The following RASGRF2 variants were observed in gnomAD, a reference collection of about 807,000 sequenced individuals.
RASGRF2 encodes ras-specific guanine nucleotide-releasing factor 2.
A neutral mutation model predicts 151.0 loss-of-function variants in RASGRF2; 76 were observed. The observed-to-expected ratio is 0.50, with a 90% CI of 0.42 to 0.61. RASGRF2 has a LOEUF of 0.61. Ranked by LOEUF, RASGRF2 falls within the 20% of genes least tolerant of loss-of-function variation. The pLI, the probability that RASGRF2 is intolerant of heterozygous loss-of-function variation, is 0.00. For missense variants in RASGRF2, 1,148 were observed against 1,564.6 expected, an observed-to-expected ratio of 0.73 and a Z score of 4.49; for synonymous variants, 504 against 566.5, an observed-to-expected ratio of 0.89 and a Z score of 1.57.
intron 1 of RASGRF2, among the ~76,000 whole-genome samples, chr5:81,035,487 A>T (rs1216698092): frequency 1.3e-5 from 2 of 152,142 alleles, no homozygotes; most frequent in East Asian, 3.9e-4. Flanking sequence ...GGGGAGGGAT[A>T]GCATTAGGAG....
At chr5:81,144,140 CAGCCTCAT>C (rs1399547168) in intron 17 of RASGRF2, among the ~76,000 whole-genome samples, 2 of 152,158 alleles carry the variant, frequency 1.3e-5, no homozygotes, top group African/African-American at 2.4e-5. Flanking sequence ...AAAATTTCAT[CAGCCTCAT>C]ACATTAAAAG....
At chr5:81,134,431 T>G (rs1208296183) in intron 17 of RASGRF2, among the ~76,000 whole-genome samples, 5 of 152,114 alleles carry the variant, frequency 3.3e-5, no homozygotes, top group Non-Finnish European at 7.4e-5. Flanking sequence ...TGTTGTTTCA[T>G]GGTGGAAGCC....
chr5:81,132,892 C>T (rs1753659792), intron 17 of RASGRF2, among the ~76,000 whole-genome samples: 1 of 152,118 alleles, frequency 6.6e-6, no homozygotes, highest in African/African-American at 2.4e-5. Flanking sequence ...ACTTTTAGGG[C>T]ACCTCCCGGG....
intron 26 of RASGRF2, 124 bp downstream of exon 26, chr5:81,219,902 G>T: frequency 3.6e-5 from 16 of 443,172 alleles, no homozygotes; most frequent in Admixed American, 4.7e-5. Flanking sequence ...CAGTAAAATA[G>T]AAAATCTTTG....
At chr5:81,007,616 ACT>A (rs1158082347) in intron 1 of RASGRF2, among the ~76,000 whole-genome samples, 1 of 151,906 alleles carries the variant, frequency 6.6e-6, no homozygotes, top group Non-Finnish European at 1.5e-5. Context: ...ACGCCAACAA[ACT>A]CAACTTTCTC....
intron 14 of RASGRF2, chr5:81,113,253 C>T: frequency 1.9e-6 from 1 of 518,058 alleles, no homozygotes; most frequent in Non-Finnish European, 3.4e-6. Context: ...TTCAGCAGGC[C>T]TGGTGTGGAG....
intron 1 of RASGRF2, among the ~76,000 whole-genome samples, chr5:80,981,483 CTG>C (rs1215872656): frequency 3.3e-5 from 5 of 152,084 alleles, no homozygotes; most frequent in African/African-American, 1.2e-4. Flanking sequence ...TTGCTGAGCT[CTG>C]AGCACACTGG....
At chr5:81,042,021 C>T (rs1350317360) in intron 1 of RASGRF2, among the ~76,000 whole-genome samples, 1 of 152,050 alleles carries the variant, frequency 6.6e-6, no homozygotes, top group African/African-American at 2.4e-5. Flanking sequence ...AAGAATTCTT[C>T]TTTTTTTAAT....
At chr5:81,108,479 G>A (rs1218724861) in intron 12 of RASGRF2, among the ~76,000 whole-genome samples, 1 of 152,160 alleles carries the variant, frequency 6.6e-6, no homozygotes, top group African/African-American at 2.4e-5. Flanking sequence ...TAAAATGTGG[G>A]AATTTATTGG....
intron 1 of RASGRF2, among the ~76,000 whole-genome samples, chr5:81,036,387 AT>A (rs1233289138): frequency 6.6e-6 from 1 of 152,072 alleles, no homozygotes; most frequent in East Asian, 1.9e-4. Flanking sequence ...GATTAACACT[AT>A]GATGGAAATA....
At chr5:81,176,877 G>A (rs190709236) in intron 17 of RASGRF2, among the ~76,000 whole-genome samples, 386 of 152,224 alleles carry the variant, frequency 2.5e-3, no homozygotes, top group Middle Eastern at 3.4e-3. Flanking sequence ...CAACCCCACT[G>A]AGGCAGAGGC....
At chr5:81,031,170 A>T (rs1750231252) in intron 1 of RASGRF2, among the ~76,000 whole-genome samples, 1 of 152,184 alleles carries the variant, frequency 6.6e-6, no homozygotes, top group Admixed American at 6.5e-5. Context: ...GAGACCTACA[A>T]AGAGACTTAG....
intron 1 of RASGRF2, among the ~76,000 whole-genome samples, chr5:80,995,399 TAC>T (rs745608211): frequency 0.026 from 3,149 of 119,570 alleles, 99 homozygotes; most frequent in African/African-American, 0.079. Context: ...TATATATATA[TAC>T]ACACACACAC....
intron 17 of RASGRF2, among the ~76,000 whole-genome samples, chr5:81,127,497 A>AGGGT (rs1443759646): frequency 2.0e-5 from 3 of 151,462 alleles, no homozygotes; most frequent in African/African-American, 7.3e-5. Flanking sequence ...CACTCCAGCC[A>AGGGT]GGGTGTTAAA....
intron 18 of RASGRF2, among the ~76,000 whole-genome samples, chr5:81,199,780 C>G (rs1755344763): frequency 6.6e-6 from 1 of 151,576 alleles, no homozygotes; most frequent in Non-Finnish European, 1.5e-5. Flanking sequence ...CACCTGTAAT[C>G]CCAGCTGCTC....
chr5:81,187,971 G>T (rs1203398056), intron 18 of RASGRF2, among the ~76,000 whole-genome samples: 3 of 152,172 alleles, frequency 2.0e-5, no homozygotes, highest in Non-Finnish European at 4.4e-5. Flanking sequence ...AATGGAGGTT[G>T]GGCTAGGACA....
rs556517948 is a variant in RASGRF2 at position 81,141,371 on chromosome 5, C to T, written c.2686+14208C>T. ...AATCTTATCTCAAAGGTCTGAGCCT[C>T]CCTCACTATGTCATCCCCTCACTAT... On this transcript the variant is annotated intron_variant, in intron 17 of 26. Coordinates refer to ENST00000265080, the MANE Select transcript of RASGRF2 (RefSeq NM_006909.3). Among the ~76,000 whole-genome samples, 138 of 152,294 alleles carry T rather than the reference C, an allele frequency of 9.1e-4. 1 individual carries two copies. The highest frequency in any genetic ancestry group is 3.1e-3 in the African/African-American group (130 of 41,548).
chr5:80,975,460 T>A (rs181644607), intron 1 of RASGRF2, among the ~76,000 whole-genome samples: 36 of 152,288 alleles, frequency 2.4e-4, no homozygotes, highest in African/African-American at 8.4e-4. Context: ...TATGAAACTC[T>A]TTTTAAAACA....
chr5:80,999,687 G>A (rs950957949), intron 1 of RASGRF2, among the ~76,000 whole-genome samples: 7 of 152,132 alleles, frequency 4.6e-5, no homozygotes, highest in South Asian at 2.1e-4. Flanking sequence ...CATTCTGGGC[G>A]TGGGTGGAAG....
Sources: allele counts gnomAD v4.1 joint callset (sites outside exome capture counted in the v4.1 genomes callset), GRCh38; gene constraint gnomAD v4.1.1; transcripts MANE v1.5; gene names NCBI Gene and HGNC (gene_info 2026-07-23, HGNC 2026-07-21).